Variants in NAALADL2 observed in about 807,000 individuals in gnomAD.
NAALADL2 encodes the protein inactive N-acetylated-alpha-linked acidic dipeptidase-like protein 2.
Under a neutral mutation model 87.2 loss-of-function variants are expected in NAALADL2, and 76 were observed. The ratio of observed to expected loss-of-function variants is 0.87; its 90% confidence interval spans 0.72 to 1.05. The LOEUF (loss-of-function observed/expected upper bound fraction) is 1.05, where lower values mean the gene tolerates loss of function less well. Ranked by LOEUF, NAALADL2 falls within the 50% of genes least tolerant of loss-of-function variation. The probability of loss-of-function intolerance (pLI) is 0.00; values close to 1 mark genes in which losing one functional copy is unlikely to be tolerated. For synonymous variants in NAALADL2, 354 were observed against 331.0 expected (o/e 1.07, Z -0.75); for missense variants, 1,089 against 945.8 (o/e 1.15, Z -1.99).
At chr3:175,583,203 G>C (rs1720033555) in intron 10 of NAALADL2, among the ~76,000 whole-genome samples, 1 of 152,084 alleles carries the variant, frequency 6.6e-6, no homozygotes, top group Non-Finnish European at 1.5e-5. Flanking sequence ...ATTGATCCCA[G>C]CATCAAGAGA....
At chr3:175,402,507 CT>C (rs921282007) in intron 5 of NAALADL2, among the ~76,000 whole-genome samples, 1 of 152,000 alleles carries the variant, frequency 6.6e-6, no homozygotes, top group African/African-American at 2.4e-5. Flanking sequence ...GAACAGAATC[CT>C]TTTTATCTGA....
intron 2 of NAALADL2, among the ~76,000 whole-genome samples, chr3:174,568,892 T>C (rs1054994274): frequency 6.6e-6 from 1 of 151,584 alleles, no homozygotes; most frequent in Non-Finnish European, 1.5e-5. Flanking sequence ...TTCGAAAATA[T>C]AACTGAATTT....
chr3:175,575,717 A>C (rs1185499808), intron 9 of NAALADL2, among the ~76,000 whole-genome samples: 3 of 152,250 alleles, frequency 2.0e-5, no homozygotes, highest in Admixed American at 2.0e-4. Flanking sequence ...ATTCTTTTTT[A>C]AATATCGTCA....
At chr3:175,684,897 G>A (rs949893518) in intron 11 of NAALADL2, among the ~76,000 whole-genome samples, 3 of 152,126 alleles carry the variant, frequency 2.0e-5, no homozygotes, top group Non-Finnish European at 4.4e-5. Flanking sequence ...TTTATTTCCT[G>A]TACTACACTA....
At chr3:174,714,555 T>G (rs1452313151) in intron 2 of NAALADL2, among the ~76,000 whole-genome samples, 1 of 152,208 alleles carries the variant, frequency 6.6e-6, no homozygotes, top group African/African-American at 2.4e-5. Flanking sequence ...TTTCTTCTCT[T>G]TGAAGCAGTT....
At chr3:175,481,327 C>A (rs965247369) in intron 9 of NAALADL2, among the ~76,000 whole-genome samples, 3 of 144,406 alleles carry the variant, frequency 2.1e-5, no homozygotes, top group Non-Finnish European at 4.5e-5. Context: ...TCATTACTAA[C>A]AATGCCACTG....
At chr3:174,930,363 T>C (rs527421114) in intron 1 of NAALADL2, among the ~76,000 whole-genome samples, 2 of 152,162 alleles carry the variant, frequency 1.3e-5, no homozygotes, top group South Asian at 2.1e-4. Context: ...GTATGGACTT[T>C]AACTAACTTA....
intron 9 of NAALADL2, among the ~76,000 whole-genome samples, chr3:175,555,424 T>C (rs755241358): frequency 3.9e-5 from 6 of 152,340 alleles, no homozygotes; most frequent in East Asian, 3.9e-4. Flanking sequence ...TCAAATGTAC[T>C]GAATTTGTGT....
chr3:174,443,050 G>A (rs1342864731), intron 1 of NAALADL2, among the ~76,000 whole-genome samples: 2 of 152,138 alleles, frequency 1.3e-5, no homozygotes, highest in Non-Finnish European at 1.5e-5. Flanking sequence ...TGTCATAGGG[G>A]CCAGATAGTA....
intron 1 of NAALADL2, among the ~76,000 whole-genome samples, chr3:174,884,957 CA>C (rs984330629): frequency 2.6e-5 from 4 of 152,058 alleles, no homozygotes; most frequent in African/African-American, 9.7e-5. Flanking sequence ...GGGAGGCCAT[CA>C]CTGTTGTCTC....
chr3:175,273,394 T>C (rs1340790934), intron 4 of NAALADL2, among the ~76,000 whole-genome samples: 1 of 152,152 alleles, frequency 6.6e-6, no homozygotes, highest in Non-Finnish European at 1.5e-5. Context: ...GTATTTCATT[T>C]TAAAGTGTTC....
At chr3:175,729,087 G>A (rs1194000555) in intron 11 of NAALADL2, among the ~76,000 whole-genome samples, 2 of 151,860 alleles carry the variant, frequency 1.3e-5, no homozygotes, top group African/African-American at 4.8e-5. Context: ...AATAGAAAAT[G>A]GTGCTTTCTA....
At chr3:175,486,309 T>G (rs946803666) in intron 9 of NAALADL2, among the ~76,000 whole-genome samples, 4 of 152,138 alleles carry the variant, frequency 2.6e-5, no homozygotes, top group African/African-American at 7.2e-5. Flanking sequence ...AAATCTCTTT[T>G]TCTGGGACGG....
At chr3:175,123,548 C>G (rs1726468943) in intron 2 of NAALADL2, among the ~76,000 whole-genome samples, 1 of 151,894 alleles carries the variant, frequency 6.6e-6, no homozygotes, top group Non-Finnish European at 1.5e-5. Context: ...GACCTGGCTC[C>G]TCTATTTCGG....
At chr3:174,529,072 G>A (rs1022395580) in intron 1 of NAALADL2, among the ~76,000 whole-genome samples, 4 of 152,156 alleles carry the variant, frequency 2.6e-5, no homozygotes, top group Non-Finnish European at 5.9e-5. Context: ...AGTCTCATCT[G>A]AGACAAGGCT....
At chr3:174,572,598 C>A (rs980004566) in intron 2 of NAALADL2, among the ~76,000 whole-genome samples, 2 of 151,958 alleles carry the variant, frequency 1.3e-5, no homozygotes, top group Non-Finnish European at 2.9e-5. Flanking sequence ...ATTTGTTACA[C>A]AAAAATTAAG....
chr3:174,898,139 A>AG (rs1731831865), intron 1 of NAALADL2, among the ~76,000 whole-genome samples: 3 of 146,112 alleles, frequency 2.1e-5, no homozygotes, highest in Non-Finnish European at 4.5e-5. Flanking sequence ...AAAAAAAAAA[A>AG]AAAAGAAAAA....
chr3:175,782,696 G>A (rs1576811298), intron 13 of NAALADL2, among the ~76,000 whole-genome samples: 14 of 129,984 alleles, frequency 1.1e-4, no homozygotes, highest in African/African-American at 4.6e-4. Context: ...CTGTGCAGAA[G>A]CTCTTTAGTT....
intron 2 of NAALADL2, among the ~76,000 whole-genome samples, chr3:175,131,798 G>T (rs1436701171): frequency 1.4e-5 from 2 of 144,500 alleles, no homozygotes; most frequent in African/African-American, 5.2e-5. Flanking sequence ...CCTCCCGGAC[G>T]GGGGGCCTGG....
Sources: gnomAD v4.1 joint callset for allele counts (sites outside exome capture counted in the v4.1 genomes callset) on GRCh38, gnomAD v4.1.1 for gene constraint, MANE v1.5 for transcripts, NCBI Gene and HGNC (gene_info 2026-07-23, HGNC 2026-07-21) for gene names.